ACP3: variants seen among roughly 807,000 people sequenced by gnomAD.
ACP3 encodes the protein acid phosphatase 3.
Under a neutral mutation model 45.6 loss-of-function variants are expected in ACP3, and 38 were observed. The observed-to-expected ratio is 0.83, with a 90% confidence interval of 0.64 to 1.09. The LOEUF (loss-of-function observed/expected upper bound fraction) is 1.09. Ranked by LOEUF, ACP3 falls within the 50% of genes least tolerant of loss-of-function variation. The probability of loss-of-function intolerance (pLI) is 0.00; values close to 1 mark genes in which losing one functional copy is unlikely to be tolerated. For synonymous variants in ACP3, 162 were observed against 164.7 expected (o/e 0.98, Z 0.13); for missense variants, 466 against 463.2 (o/e 1.01, Z -0.05).
chr3:132,344,053 G>A (rs748634235), intron 6 of ACP3, among the ~76,000 whole-genome samples: 15 of 152,212 alleles, frequency 9.9e-5, no homozygotes, highest in African/African-American at 1.7e-4. Flanking sequence ...TAAGGTGGGC[G>A]GATTGCCTGA....
chr3:132,357,425 A>G lies in ACP3; in HGVS notation c.*547A>G, dbSNP rs1804127. 3.0e-6 allele frequency: 3 copies of G among 985,412 alleles called. No individual in the cohort carries two copies. In the South Asian group the frequency reaches 1.4e-4, roughly 46 times the overall value. The allele number at this position is 985,412 out of a possible 1,614,324, so 61.0% of individuals were successfully genotyped here. ...GGAGATACAGTGGAGACATCTGGAAAGTTTTCTCCACTGGAAAACTGCTAC... is the reference window on the plus strand; with the variant it reads ...GGAGATACAGTGGAGACATCTGGAAGGTTTTCTCCACTGGAAAACTGCTAC... On this transcript the variant is annotated 3_prime_UTR_variant, in exon 10 of 10. Transcript: ENST00000336375.
At chr3:132,347,872 C>CACACACACACACACACACA (rs781155077) in intron 7 of ACP3, among the ~76,000 whole-genome samples, 15 of 149,966 alleles carry the variant, frequency 1.0e-4, no homozygotes, top group South Asian at 4.2e-4. Context: ...CACACACACA[C>CACACACACACACACACACA]CAAAAAAATC....
intron 7 of ACP3, among the ~76,000 whole-genome samples, chr3:132,347,582 C>T (rs1433351815): frequency 6.6e-6 from 1 of 152,040 alleles, no homozygotes; most frequent in East Asian, 1.9e-4. Context: ...CAGGCTCAAG[C>T]GATCCTCCCA....
chr3:132,338,528 A>T (rs1937520302), intron 5 of ACP3, among the ~76,000 whole-genome samples: 1 of 152,238 alleles, frequency 6.6e-6, no homozygotes, highest in Non-Finnish European at 1.5e-5. Flanking sequence ...GTGGGATAAT[A>T]TCCTAGAAGT....
intron 7 of ACP3, 74 bp from the exon 8 acceptor site, chr3:132,349,846 G>T: frequency 9.5e-7 from 1 of 1,047,984 alleles, no homozygotes; most frequent in Non-Finnish European, 1.5e-6. Flanking sequence ...CAACTATGAA[G>T]TGACAAAAAG....
At chr3:132,359,618 C>G (rs1423502753), downstream of ACP3, among the ~76,000 whole-genome samples, 2 of 152,120 alleles carry the variant, frequency 1.3e-5, no homozygotes, top group Non-Finnish European at 2.9e-5. Flanking sequence ...TTTTACCCTA[C>G]CCTCTCCTTC....
chr3:132,354,255 T>G (rs979147260), intron 9 of ACP3, among the ~76,000 whole-genome samples: 1 of 152,132 alleles, frequency 6.6e-6, no homozygotes, highest in South Asian at 2.1e-4. Context: ...GAGAAGCTAC[T>G]GACTCTACTC....
At chr3:132,359,323 T>C (rs779013594), downstream of ACP3, among the ~76,000 whole-genome samples, 3 of 152,126 alleles carry the variant, frequency 2.0e-5, no homozygotes, top group Non-Finnish European at 2.9e-5. Context: ...CCATCCTGGC[T>C]AACACGGTGA....
At chr3:132,359,567 T>C (rs309994), downstream of ACP3, among the ~76,000 whole-genome samples, 13,283 of 152,134 alleles carry the variant, frequency 0.087, 1,239 homozygotes, top group East Asian at 0.49. Flanking sequence ...TACTCTTGTC[T>C]ATCTTGATGA....
rs115491728 is a variant in ACP3 at position 132,333,695 on chromosome 3, A to T, written c.456+1351A>T. Among the ~76,000 whole-genome samples, 1,344 of 152,292 alleles carry T rather than the reference A, an allele frequency of 8.8e-3. 21 individuals carry two copies. Among genetic ancestry groups the T allele is most frequent in the African/African-American group, 0.03 (1,250 of 41,546 alleles). ...TCCTTCACAGAATCATGAGGGAAGT[A>T]TTGTGATTACCAGTGTTAAGCATTT... On this transcript the variant is annotated intron_variant, in intron 4 of 9. Transcript: ENST00000336375.
At chr3:132,325,603 C>CACACACACACACACAT (rs1359096146) in intron 1 of ACP3, among the ~76,000 whole-genome samples, 2 of 151,954 alleles carry the variant, frequency 1.3e-5, no homozygotes, top group East Asian at 3.9e-4. Flanking sequence ...AAAACACACA[C>CACACACACACACACAT]ACACACACAC....
intron 5 of ACP3, among the ~76,000 whole-genome samples, chr3:132,341,959 A>G (rs1442800285): frequency 6.6e-6 from 1 of 152,218 alleles, no homozygotes; most frequent in Non-Finnish European, 1.5e-5. Context: ...CAAGAAACAT[A>G]CAGAACCTAG....
At position 132,356,907 on chromosome 3, in the gene ACP3, A is replaced by C. The variant is rs1190692284; in HGVS notation, c.*29A>C. The C allele has an allele frequency of 1.3e-6, 2 of 1,583,050 alleles. No individual in the cohort carries two copies. Among genetic ancestry groups the C allele is most frequent in the Admixed American group, 3.6e-5 (2 of 55,576 alleles). ...GCACAGAGATCTCTGTAGAAGGAGT[A>C]GCTGCCCTTTCTCAGGGCAGATGAT... On this transcript the variant is annotated 3_prime_UTR_variant, in exon 10 of 10. Coordinates refer to ENST00000336375, the MANE Select transcript of ACP3 (RefSeq NM_001099.5).
chr3:132,335,674 G>A (rs532701637), intron 4 of ACP3, among the ~76,000 whole-genome samples: 1 of 152,318 alleles, frequency 6.6e-6, no homozygotes, highest in East Asian at 1.9e-4. Flanking sequence ...TAGAAGAGGG[G>A]TAGAAGTCAA....
chr3:132,360,833 C>T (rs951342907), downstream of ACP3, among the ~76,000 whole-genome samples: 34 of 152,198 alleles, frequency 2.2e-4, no homozygotes, highest in African/African-American at 4.8e-5. Context: ...TTCTTAAAGG[C>T]AGGATCCATA....
chr3:132,322,306 A>C (rs563973078), intron 1 of ACP3, among the ~76,000 whole-genome samples: 1 of 152,332 alleles, frequency 6.6e-6, no homozygotes, highest in East Asian at 1.9e-4. Context: ...GGAGTACAGA[A>C]CATATTCTCA....
At chr3:132,344,458 GA>G (rs903563920) in intron 6 of ACP3, among the ~76,000 whole-genome samples, 2 of 148,848 alleles carry the variant, frequency 1.3e-5, no homozygotes, top group Admixed American at 6.7e-5. Flanking sequence ...AAAAAAAAAA[GA>G]AAAAAAAAGT....
chr3:132,329,346 A>G (rs1937358336), intron 2 of ACP3, among the ~76,000 whole-genome samples: 1 of 152,164 alleles, frequency 6.6e-6, no homozygotes, highest in South Asian at 2.1e-4. Flanking sequence ...TAATTGGTCT[A>G]GTATGTGTCC....
rs1373034802 is a variant in ACP3 at position 132,356,773 on chromosome 3, T to C, written c.1056T>C (p.Pro352=). The C allele has an allele frequency of 1.9e-6, 3 of 1,614,058 alleles. No homozygotes were observed. In the African/African-American group the frequency reaches 4.0e-5, roughly 22 times the overall value. ...TACCTGGCTGCAGCCCCAGCTGTCCTCTGGAGAGGTTTGCTGAGCTGGTTG... is the reference window on the plus strand; with the variant it reads ...TACCTGGCTGCAGCCCCAGCTGTCCCCTGGAGAGGTTTGCTGAGCTGGTTG... The part of the protein sequence containing the change: ...LMLPGCSPSC[P]LERFAELVGP... Residue 352 remains proline (P), a synonymous_variant, in exon 10 of 10, where the codon CCT becomes CCC. Coordinates refer to ENST00000336375, the MANE Select transcript of ACP3 (RefSeq NM_001099.5).
Sources: gnomAD v4.1 joint callset for allele counts (sites outside exome capture counted in the v4.1 genomes callset) on GRCh38, gnomAD v4.1.1 for gene constraint, MANE v1.5 for transcripts, NCBI Gene and HGNC (gene_info 2026-07-23, HGNC 2026-07-21) for gene names.